CMTM8: variants seen among roughly 807,000 people sequenced by gnomAD.
CMTM8 encodes the protein CKLF like MARVEL transmembrane domain containing 8.
A neutral mutation model predicts 18.6 loss-of-function variants in CMTM8; 12 were observed. That is an observed-to-expected ratio of 0.65 (90% CI 0.41 to 1.05). The LOEUF (loss-of-function observed/expected upper bound fraction) is 1.05, where lower values mean the gene tolerates loss of function less well. Ranked by LOEUF, CMTM8 falls within the 50% of genes least tolerant of loss-of-function variation. The pLI, the probability that CMTM8 is intolerant of heterozygous loss-of-function variation, is 0.00. For missense variants in CMTM8, 217 were observed against 227.2 expected (o/e 0.95, Z 0.29); for synonymous variants, 87 against 90.6 (o/e 0.96, Z 0.23).
chr3:32,297,404 T>A (rs578218310), intron 1 of CMTM8, among the ~76,000 whole-genome samples: 168 of 152,334 alleles, frequency 1.1e-3, no homozygotes, highest in African/African-American at 3.7e-3. Context: ...GGTCTCCAAC[T>A]CCTGACCTCA....
intron 1 of CMTM8, among the ~76,000 whole-genome samples, chr3:32,283,949 A>G (rs1187056965): frequency 6.6e-6 from 1 of 152,222 alleles, no homozygotes; most frequent in Non-Finnish European, 1.5e-5. Context: ...ACATAAACCC[A>G]CACACAAATA....
intron 1 of CMTM8, among the ~76,000 whole-genome samples, chr3:32,315,501 A>G (rs1217035808): frequency 6.6e-6 from 1 of 152,208 alleles, no homozygotes; most frequent in Non-Finnish European, 1.5e-5. Context: ...AGGATGAACC[A>G]GTTGCTAGAA....
chr3:32,307,693 A>G (rs1214358484), intron 1 of CMTM8, among the ~76,000 whole-genome samples: 1 of 152,198 alleles, frequency 6.6e-6, no homozygotes, highest in African/African-American at 2.4e-5. Flanking sequence ...GTCTAAGGCA[A>G]TGGTTCTCAA....
rs150405584 is a variant in CMTM8, at chr3:32,244,930, G to T, written c.147+5811G>T. On this transcript the variant is annotated intron_variant, in intron 1 of 3. Transcript: ENST00000307526. The stretch of plus-strand genomic sequence containing the variant: ...CTACTGGTTGAAACTGTCATCAGTA[G>T]TATGAGCCTTTTAAACTAAAAATAC... Among the ~76,000 whole-genome samples, 171 of 152,308 alleles carry T rather than the reference G, an allele frequency of 1.1e-3. 1 individual carries two copies. Among genetic ancestry groups the T allele is most frequent in the African/African-American group, 3.9e-3 (164 of 41,564 alleles).
At chr3:32,246,643 A>G (rs1702019456) in intron 1 of CMTM8, among the ~76,000 whole-genome samples, 1 of 152,206 alleles carries the variant, frequency 6.6e-6, no homozygotes, top group African/African-American at 2.4e-5. Context: ...TAATGGCCAC[A>G]TAGTATTCCA....
chr3:32,278,598 A>G (rs1484883886), intron 1 of CMTM8, among the ~76,000 whole-genome samples: 1 of 152,140 alleles, frequency 6.6e-6, no homozygotes, highest in Non-Finnish European at 1.5e-5. Flanking sequence ...TCTGTTTAGA[A>G]TTACCTGGCC....
intron 2 of CMTM8, among the ~76,000 whole-genome samples, chr3:32,364,952 C>CT (rs200051185): frequency 0.017 from 2,561 of 152,096 alleles, 74 homozygotes; most frequent in African/African-American, 0.059. Flanking sequence ...AGTGGGGCTG[C>CT]TTTTTTTTCT....
intron 1 of CMTM8, among the ~76,000 whole-genome samples, chr3:32,352,684 T>C (rs1696734688): frequency 1.3e-5 from 2 of 152,164 alleles, no homozygotes; most frequent in South Asian, 4.1e-4. Context: ...ATTGTCACCC[T>C]TAGAGGAGAG....
chr3:32,293,296 A>T (rs1702815844), intron 1 of CMTM8, among the ~76,000 whole-genome samples: 1 of 152,086 alleles, frequency 6.6e-6, no homozygotes, highest in Non-Finnish European at 1.5e-5. Context: ...CATGCCTGTA[A>T]TCCCCACACT....
rs138661720 is a variant in CMTM8 at position 32,313,165 on chromosome 3, G to A, written c.148-44208G>A. Among the ~76,000 whole-genome samples the A allele has an allele frequency of 2.6e-3, 394 of 152,178 alleles. 3 individuals carry two copies. Among genetic ancestry groups the A allele is most frequent in the African/African-American group, 9.1e-3 (379 of 41,518 alleles). ...TGGAGACAGGAGGCAGCCAACTCCT[G>A]CCCCTGGTGAAACCCCACCTTAAGC... On this transcript the variant is annotated intron_variant, in intron 1 of 3. Coordinates refer to ENST00000307526, the MANE Select transcript of CMTM8 (RefSeq NM_178868.5).
At chr3:32,256,502 G>A (rs1157712397) in intron 1 of CMTM8, among the ~76,000 whole-genome samples, 1 of 152,130 alleles carries the variant, frequency 6.6e-6, no homozygotes, top group African/African-American at 2.4e-5. Flanking sequence ...AGAGTCTTGT[G>A]TGAATGATGT....
intron 1 of CMTM8, among the ~76,000 whole-genome samples, chr3:32,311,942 C>T (rs1695827323): frequency 6.6e-6 from 1 of 152,138 alleles, no homozygotes; most frequent in Non-Finnish European, 1.5e-5. Flanking sequence ...CTGGGAAGTC[C>T]TCTGGAGAAC....
intron 1 of CMTM8, among the ~76,000 whole-genome samples, chr3:32,291,042 C>G (rs1483553282): frequency 8.6e-5 from 13 of 152,030 alleles, no homozygotes; most frequent in Admixed American, 8.5e-4. Flanking sequence ...ACCGCTGTGC[C>G]TGGCCAATTT....
At chr3:32,331,487 A>C (rs1293825994) in intron 1 of CMTM8, among the ~76,000 whole-genome samples, 3 of 152,092 alleles carry the variant, frequency 2.0e-5, no homozygotes, top group African/African-American at 7.2e-5. Context: ...AAAGAATTAA[A>C]GACAGGATCT....
chr3:32,291,942 G>C (rs2125556805), intron 1 of CMTM8, among the ~76,000 whole-genome samples: 1 of 152,088 alleles, frequency 6.6e-6, no homozygotes, highest in East Asian at 1.9e-4. Context: ...TTTGTTACTT[G>C]GTGATTGCAT....
chr3:32,278,776 A>T (rs1248589913), intron 1 of CMTM8, among the ~76,000 whole-genome samples: 4 of 152,220 alleles, frequency 2.6e-5, no homozygotes, highest in African/African-American at 9.6e-5. Context: ...AGCACTGGGT[A>T]CATAACAGAC....
At chr3:32,267,807 CA>C (rs1702370879) in intron 1 of CMTM8, among the ~76,000 whole-genome samples, 1 of 152,136 alleles carries the variant, frequency 6.6e-6, no homozygotes, top group Non-Finnish European at 1.5e-5. Context: ...AGACACTTCT[CA>C]AAAGAAGACA....
At chr3:32,263,514 A>G (rs1413792678) in intron 1 of CMTM8, among the ~76,000 whole-genome samples, 2 of 152,204 alleles carry the variant, frequency 1.3e-5, no homozygotes, top group African/African-American at 4.8e-5. Flanking sequence ...AACGAGCAGA[A>G]AAACTGAAAA....
At chr3:32,274,635 A>G (rs2125545723) in intron 1 of CMTM8, among the ~76,000 whole-genome samples, 1 of 152,344 alleles carries the variant, frequency 6.6e-6, no homozygotes, top group South Asian at 2.1e-4. Context: ...ATTCTCCTGC[A>G]TAACCACAGT....
Sources: gnomAD v4.1 joint callset for allele counts (sites outside exome capture counted in the v4.1 genomes callset) on GRCh38, gnomAD v4.1.1 for gene constraint, MANE v1.5 for transcripts, NCBI Gene and HGNC (gene_info 2026-07-23, HGNC 2026-07-21) for gene names.